TPTE2: variants seen among roughly 807,000 people sequenced by gnomAD.
TPTE2 encodes the protein phosphatidylinositol 3,4,5-trisphosphate 3-phosphatase TPTE2.
In TPTE2, 53 loss-of-function variants were observed where a neutral mutation model predicts 78.6. The ratio of observed to expected loss-of-function variants is 0.67; its 90% CI spans 0.54 to 0.85. The LOEUF is 0.85. Ranked by LOEUF, TPTE2 falls within the 40% of genes least tolerant of loss-of-function variation. TPTE2 has a pLI of 0.00. For synonymous variants in TPTE2, 175 were observed against 206.2 expected (o/e 0.85, Z 1.30); for missense variants, 461 against 623.0 (o/e 0.74, Z 2.77).
At chr13:19,526,883 A>G (rs944722903) in intron 1 of TPTE2, among the ~76,000 whole-genome samples, 1 of 152,154 alleles carries the variant, frequency 6.6e-6, no homozygotes, top group African/African-American at 2.4e-5. Flanking sequence ...TCTCTTCTCA[A>G]TAAGAGAAGA....
rs1470323700 is a variant in TPTE2 at position 19,451,147 on chromosome 13, A to T, written c.802+18T>A. The T allele has an allele frequency of 6.2e-7, 1 of 1,611,138 alleles. No individual in the cohort carries two copies. Among genetic ancestry groups the T allele is most frequent in the Non-Finnish European group, 8.5e-7 (1 of 1,178,840 alleles). On this transcript the variant is annotated intron_variant, in intron 11 of 19. Coordinates refer to ENST00000400230, the Ensembl canonical transcript of TPTE2. ...TGTTTTCTACCTACAGTAGCAAAAT[A>T]TAGAGTAATGTACATACTGCATAGA... is the stretch of plus-strand genomic sequence containing the variant.
At chr13:19,432,569 C>T (rs1490816704) in exon 16 of TPTE2, 1 of 1,594,582 alleles carries the variant, frequency 6.3e-7, no homozygotes, top group South Asian at 1.1e-5. Context: ...AAATATCCAA[C>T]ATATCTATTC....
At chr13:19,497,018 G>A (rs61955170) in intron 1 of TPTE2, among the ~76,000 whole-genome samples, 3 of 145,658 alleles carry the variant, frequency 2.1e-5, no homozygotes, top group Non-Finnish European at 3.0e-5. Flanking sequence ...TTCCCTTTCC[G>A]AGTCAAAGAA....
intron 13 of TPTE2, among the ~76,000 whole-genome samples, chr13:19,446,681 C>T (rs888748499): frequency 6.6e-5 from 10 of 152,188 alleles, no homozygotes; most frequent in Admixed American, 5.9e-4. Context: ...TGGCTCATGC[C>T]TGTAATCCCA....
intron 1 of TPTE2, among the ~76,000 whole-genome samples, chr13:19,514,590 AGAGTGTGTGT>A: frequency 5.3e-5 from 1 of 18,708 alleles, no homozygotes; most frequent in African/African-American, 1.0e-4. Context: ...AGTACTTCTG[AGAGTGTGTGT>A]GTGTGTGTGT....
At chr13:19,473,596 G>GAT (rs1879757308) in intron 6 of TPTE2, among the ~76,000 whole-genome samples, 1 of 53,248 alleles carries the variant, frequency 1.9e-5, no homozygotes, top group Non-Finnish European at 3.9e-5. Flanking sequence ...ATTTTAAAAT[G>GAT]CTTTTTTTTT....
rs1880674317 is a variant in TPTE2, at chr13:19,486,544, G to A, written c.120-3997C>T. ...TTGCAGGACAGTTTCTCAGGCCCAG[G>A]ACGCAGGCACACAGCTGTTTGCCTG... On this transcript the variant is annotated intron_variant, in intron 3 of 19. Coordinates refer to ENST00000400230, the Ensembl canonical transcript of TPTE2. The surrounding 1 kb of genome is among the most constrained non-coding windows in gnomAD (Gnocchi z 4.3). Among the ~76,000 whole-genome samples the A allele has an allele frequency of 6.6e-6, 1 of 152,194 alleles. No individual in the cohort carries two copies. Among genetic ancestry groups the A allele is most frequent in the Non-Finnish European group, 1.5e-5 (1 of 68,028 alleles).
intron 13 of TPTE2, among the ~76,000 whole-genome samples, chr13:19,447,888 T>C (rs1226064624): frequency 6.6e-6 from 1 of 152,176 alleles, no homozygotes; most frequent in African/African-American, 2.4e-5. Flanking sequence ...AATTCCAGCA[T>C]AATTTTTGAA....
intron 13 of TPTE2, among the ~76,000 whole-genome samples, chr13:19,444,984 A>G (rs1179114014): frequency 2.0e-5 from 3 of 152,230 alleles, no homozygotes; most frequent in Non-Finnish European, 4.4e-5. Flanking sequence ...ATCAAGTTTA[A>G]AAGGAATGAA....
chr13:19,557,408 G>C, the TPTE2 span, among the ~76,000 whole-genome samples: 1 of 152,166 alleles, frequency 6.6e-6, no homozygotes, highest in African/African-American at 2.4e-5. Context: ...GAGGAGCAGG[G>C]ATCCCTGAGA....
Position 19,430,541 on chromosome 13 carries a change from A to G in TPTE2, c.1229T>C (p.Val410Ala), listed in dbSNP as rs774064157. Reference sequence around the variant, plus strand: ...TACTACTTGGACTTTTAGATCACATACATCACCTGTTCCAACAAAATGAAA... The same window carrying G: ...TACTACTTGGACTTTTAGATCACATGCATCACCTGTTCCAACAAAATGAAA... The change falls in exon 17 of 20, where the codon GTA becomes GCA. Residue 410 changes from valine to alanine, a missense_variant. By Grantham distance (64) the Val-to-Ala change is moderately conservative (BLOSUM62 0). Coordinates refer to ENST00000400230, the Ensembl canonical transcript of TPTE2. The G allele has an allele frequency of 3.1e-6, 5 of 1,610,186 alleles. No individual in the cohort carries two copies. The Admixed American group carries it at 6.8e-5, about 22-fold the overall frequency.
intron 1 of TPTE2, among the ~76,000 whole-genome samples, chr13:19,495,923 C>T (rs528534979): frequency 3.9e-5 from 6 of 152,256 alleles, no homozygotes; most frequent in African/African-American, 1.4e-4. Flanking sequence ...AGCTGGAGTG[C>T]AGTGGCATGA....
upstream of TPTE2, among the ~76,000 whole-genome samples, chr13:19,508,057 C>A (rs939384257): frequency 2.0e-5 from 3 of 152,158 alleles, no homozygotes; most frequent in Non-Finnish European, 4.4e-5. Flanking sequence ...TGGGGCACAT[C>A]ACTTCTCTTC....
chr13:19,423,235 G>T, intron 19 of TPTE2, 71 bp from the exon 23 acceptor site: 1 of 1,203,300 alleles, frequency 8.3e-7, no homozygotes, highest in South Asian at 1.6e-5. Context: ...GGGTACCCAC[G>T]TTAGAGCTGG....
intron 17 of TPTE2, among the ~76,000 whole-genome samples, chr13:19,427,683 T>A (rs1876242139): frequency 6.6e-6 from 1 of 152,188 alleles, no homozygotes; most frequent in African/African-American, 2.4e-5. Flanking sequence ...CCCCTGCTCA[T>A]CATGTTTTAT....
chr13:19,437,022 A>T (rs1305666078), intron 14 of TPTE2, among the ~76,000 whole-genome samples: 1 of 130,752 alleles, frequency 7.6e-6, no homozygotes, highest in Admixed American at 8.3e-5. Flanking sequence ...TGCAATCCAC[A>T]TTAATAAACC....
Position 19,486,702 on chromosome 13 carries a change from G to T in TPTE2, c.120-4155C>A, listed in dbSNP as rs781052287. Among the ~76,000 whole-genome samples the T allele has an allele frequency of 2.0e-5, 3 of 152,182 alleles. No individual in the cohort carries two copies. Among genetic ancestry groups the T allele is most frequent in the Non-Finnish European group, 4.4e-5 (3 of 68,028 alleles). On this transcript the variant is annotated intron_variant, in intron 3 of 19. Transcript: ENST00000400230. The surrounding 1 kb of genome is among the most constrained non-coding windows in gnomAD (Gnocchi z 4.3). The stretch of plus-strand genomic sequence containing the variant: ...CATGGGCCAAATATACAGCTGCATA[G>T]CTCCTAAGCTGGACTGAAGATATCT...
intron 13 of TPTE2, among the ~76,000 whole-genome samples, chr13:19,446,877 A>G (rs1366761448): frequency 1.3e-5 from 2 of 152,190 alleles, no homozygotes; most frequent in Non-Finnish European, 2.9e-5. Flanking sequence ...CAGGAGGTTC[A>G]GGCTGCAATG....
chr13:19,517,048 T>G (rs1227153154), intron 1 of TPTE2, among the ~76,000 whole-genome samples: 4 of 152,180 alleles, frequency 2.6e-5, no homozygotes, highest in Admixed American at 2.6e-4. Flanking sequence ...TCTTTGGACG[T>G]GAACCAGGGC....
Sources: allele counts gnomAD v4.1 joint callset (sites outside exome capture counted in the v4.1 genomes callset), GRCh38; gene constraint gnomAD v4.1.1; non-coding constraint Gnocchi (gnomAD v3.1); transcripts MANE v1.5; gene names NCBI Gene and HGNC (gene_info 2026-07-23, HGNC 2026-07-21).